Variants in UACA observed in about 807,000 individuals in gnomAD.
UACA encodes uveal autoantigen with coiled-coil domains and ankyrin repeats, also known as nuclear membrane binding protein.
A neutral mutation model predicts 160.5 loss-of-function variants in UACA; 112 were observed. The observed-to-expected ratio is 0.70, with a 90% CI of 0.60 to 0.82. The LOEUF (loss-of-function observed/expected upper bound fraction) is 0.82. Among genes scored for constraint, UACA ranks in the 40% least tolerant of loss-of-function variants. The probability of loss-of-function intolerance (pLI) is 0.00; values close to 1 mark genes in which losing one functional copy is unlikely to be tolerated. For missense variants in UACA, 1,574 were observed against 1,614.6 expected, an observed-to-expected ratio of 0.97 and a Z score of 0.43; for synonymous variants, 557 against 568.4, an observed-to-expected ratio of 0.98 and a Z score of 0.29.
chr15:70,727,223 CT>C (rs1420998132), intron 1 of UACA, among the ~76,000 whole-genome samples: 1 of 152,158 alleles, frequency 6.6e-6, no homozygotes, highest in African/African-American at 2.4e-5. Context: ...GGAAAACCTC[CT>C]TCCGCCCATT....
chr15:70,661,470 A>G (rs950268897), intron 17 of UACA: 2 of 152,194 alleles, frequency 1.3e-5, no homozygotes, highest in African/African-American at 4.8e-5. Context: ...TACTCTTTGG[A>G]TAAGATCCAA....
intron 1 of UACA, among the ~76,000 whole-genome samples, chr15:70,748,136 T>C (rs62016950): frequency 0.18 from 27,902 of 152,122 alleles, 3,975 homozygotes; most frequent in African/African-American, 0.4. Flanking sequence ...GGCTGGATAA[T>C]GGTCCTCAAG....
chr15:70,660,506 T>C (rs1018750079), intron 17 of UACA: 1 of 342,040 alleles, frequency 2.9e-6, no homozygotes, highest in Non-Finnish European at 5.3e-6. Context: ...ACTTATCACA[T>C]GTCTGGATTA....
rs1282439317 is a variant in UACA, at chr15:70,758,100, T to TA, written c.78+5229dup. On this transcript the variant is annotated intron_variant, in intron 1 of 18. Transcript: ENST00000322954. ...TATATAATCATTACACCATCCTTAT[T>TA]AAAAAACTAATTAAAATCCTTTACT... Among the ~76,000 whole-genome samples the TA allele has an allele frequency of 2.0e-5, 3 of 152,286 alleles. No individual in the cohort carries two copies. In the East Asian group the frequency reaches 5.8e-4, roughly 29 times the overall value.
In UACA at chr15:70,762,186, T is replaced by C. The variant is rs1378092074; in HGVS notation, c.78+1144A>G. Among the ~76,000 whole-genome samples, 3 of 152,190 alleles carry C rather than the reference T, an allele frequency of 2.0e-5. 1 individual carries two copies. The highest frequency in any genetic ancestry group is 3.9e-4 in the East Asian group (2 of 5,194). ...GAAATAGGAATTTAAGTCTAGGTAG[T>C]TCCTCCACAATTTCCTTTATGTCCA... On this transcript the variant is annotated intron_variant, in intron 1 of 18. Coordinates refer to ENST00000322954, the MANE Select transcript of UACA (RefSeq NM_018003.4).
intron 1 of UACA, among the ~76,000 whole-genome samples, chr15:70,708,630 G>T (rs1029068112): frequency 6.6e-6 from 1 of 151,818 alleles, no homozygotes; most frequent in South Asian, 2.1e-4. Context: ...ACCCACACCC[G>T]GCTAATTTTT....
Position 70,694,865 on chromosome 15 carries a change from C to T in UACA, c.301+152G>A, listed in dbSNP as rs376653212. The T allele has an allele frequency of 1.2e-4, 82 of 679,970 alleles. No individual in the cohort carries two copies. In the African/African-American group the frequency reaches 1.3e-3, roughly 11 times the overall value. 42.1% of individuals were successfully genotyped at this position (679,970 alleles called of 1,614,324 possible). A position where few individuals can be genotyped will look rare whatever the true frequency, so the allele number is the denominator to read the frequency against. ...CCTATACTTGACCTCTCCCACAATA[C>T]CTCAGAAGTAAACTCTTTCTCAACT... On this transcript the variant is annotated intron_variant, in intron 3 of 18. Transcript: ENST00000322954.
intron 5 of UACA, among the ~76,000 whole-genome samples, chr15:70,689,996 C>T (rs1297734156): frequency 6.6e-6 from 1 of 152,086 alleles, no homozygotes; most frequent in Non-Finnish European, 1.5e-5. Context: ...ATTAATACTA[C>T]TTATTGCAGT....
At chr15:70,709,134 T>A (rs773880717) in intron 1 of UACA, among the ~76,000 whole-genome samples, 25 of 152,328 alleles carry the variant, frequency 1.6e-4, no homozygotes, top group Non-Finnish European at 2.6e-4. Flanking sequence ...TCCACAGTCA[T>A]ATACTTACAA....
At chr15:70,712,229 G>A (rs1012635722) in intron 1 of UACA, among the ~76,000 whole-genome samples, 1 of 151,926 alleles carries the variant, frequency 6.6e-6, no homozygotes, top group Non-Finnish European at 1.5e-5. Flanking sequence ...TGTGTAGACA[G>A]AAACCTAGAT....
In UACA at chr15:70,695,171, A is replaced by C. The variant is rs1898085451; in HGVS notation, c.213-66T>G. On this transcript the variant is annotated intron_variant, in intron 2 of 18. Coordinates refer to ENST00000322954, the MANE Select transcript of UACA (RefSeq NM_018003.4). ...CAAAGGTCACCTTAAATGCTACATT[A>C]ATGTCACCCTTTTTCAACACACACA... 6.0e-6 allele frequency: 7 copies of C among 1,158,060 alleles called. No homozygotes were observed. The Admixed American group carries it at 1.6e-4, about 26-fold the overall frequency. 71.7% of individuals were successfully genotyped at this position (1,158,060 alleles called of 1,614,324 possible).
At chr15:70,768,333 T>C (rs1278646716), upstream of UACA, 2 of 152,180 alleles carry the variant, frequency 1.3e-5, no homozygotes, top group East Asian at 3.9e-4. Flanking sequence ...CATTCACTTA[T>C]GACATATCGA....
At chr15:70,680,206 G>A (rs986742692) in intron 9 of UACA, among the ~76,000 whole-genome samples, 1 of 152,096 alleles carries the variant, frequency 6.6e-6, no homozygotes, top group South Asian at 2.1e-4. Context: ...AAATAACTTG[G>A]TTGGGTGTAT....
At position 70,666,723 on chromosome 15, in the gene UACA, C is replaced by T; in HGVS notation, c.3960+1G>A. 3 of 1,599,616 alleles carry T rather than the reference C, an allele frequency of 1.9e-6. No individual in the cohort carries two copies. The highest frequency in any genetic ancestry group is 2.6e-6 in the Non-Finnish European group (3 of 1,174,498). Reference sequence around the variant, plus strand: ...AGCCGTGCAGACTACTTTGTACCTACCTTATTATCTTTTGCTTCTATTTGT... The same window carrying T: ...AGCCGTGCAGACTACTTTGTACCTATCTTATTATCTTTTGCTTCTATTTGT... On this transcript the variant is annotated splice_donor_variant, in intron 16 of 18. Coordinates refer to ENST00000322954, the MANE Select transcript of UACA (RefSeq NM_018003.4). LOFTEE classifies it high-confidence loss of function.
intron 1 of UACA, among the ~76,000 whole-genome samples, chr15:70,760,792 C>T (rs1032744315): frequency 3.5e-5 from 5 of 141,216 alleles, no homozygotes; most frequent in African/African-American, 8.0e-5. Context: ...GGCGACCGAG[C>T]GAGACTCCGT....
chr15:70,746,378 G>GA lies in UACA; in HGVS notation c.78+16951dup, dbSNP rs540120909. 1.8e-3 allele frequency among the ~76,000 whole-genome samples: 270 copies of GA among 151,802 alleles called. 1 individual carries two copies. Among genetic ancestry groups the GA allele is most frequent in the Non-Finnish European group, 3.3e-3 (224 of 67,898 alleles). On this transcript the variant is annotated intron_variant, in intron 1 of 18. Transcript: ENST00000322954. ...ACATTTATGCAGCCAACAAACATCTGAAAAAAAAGCTCATCATCACTGGTC... is the reference window on the plus strand; with the variant it reads ...ACATTTATGCAGCCAACAAACATCTGAAAAAAAAAGCTCATCATCACTGGTC...
At position 70,667,143 on chromosome 15, in the gene UACA, C is replaced by A. The variant is rs1281421381; in HGVS notation, c.3541G>T (p.Gly1181Ter). ...TCTCTCAAGCTGGCTTTTATGATTC[C>A]AACTTCTTTCTCAAATGCTTCTTTA... ...QIKEAFEKEV[G>*]IIKASLREKE... Residue 1181 changes from glycine (G) to a stop codon, truncating the protein, a stop_gained, in exon 16 of 19, where the codon GGA becomes TGA. Coordinates refer to ENST00000322954, the MANE Select transcript of UACA (RefSeq NM_018003.4). LOFTEE classifies it high-confidence loss of function. 2 of 1,613,354 alleles carry A rather than the reference C, an allele frequency of 1.2e-6. No homozygotes were observed. Among genetic ancestry groups the A allele is most frequent in the Non-Finnish European group, 1.7e-6 (2 of 1,179,930 alleles).
intron 3 of UACA, among the ~76,000 whole-genome samples, chr15:70,692,715 G>A (rs1236245144): frequency 6.6e-6 from 1 of 152,096 alleles, no homozygotes; most frequent in African/African-American, 2.4e-5. Context: ...GGCTGCAGTA[G>A]CCATGATTAT....
chr15:70,736,363 ATATTT>A (rs1355451341), intron 1 of UACA, among the ~76,000 whole-genome samples: 2 of 152,196 alleles, frequency 1.3e-5, no homozygotes, highest in Non-Finnish European at 2.9e-5. Context: ...TCTAAAAATT[ATATTT>A]TATTATACTA....
Sources: allele counts gnomAD v4.1 joint callset (sites outside exome capture counted in the v4.1 genomes callset), GRCh38; gene constraint gnomAD v4.1.1; transcripts MANE v1.5; gene names NCBI Gene and HGNC (gene_info 2026-07-23, HGNC 2026-07-21).